TBRG1: variants seen among roughly 807,000 people sequenced by gnomAD.
The protein encoded by TBRG1 is transforming growth factor beta regulator 1.
In TBRG1, 31 loss-of-function variants were observed where a neutral mutation model predicts 44.0. The ratio of observed to expected loss-of-function variants is 0.70; its 90% confidence interval spans 0.53 to 0.95. TBRG1 has a LOEUF of 0.95. TBRG1 is among the 40% of genes least tolerant of loss of function. The pLI is 0.00. For synonymous variants in TBRG1, 171 were observed against 188.1 expected, an observed-to-expected ratio of 0.91 and a Z score of 0.74; for missense variants, 487 against 496.1, an observed-to-expected ratio of 0.98 and a Z score of 0.18.
At chr11:124,630,197 G>A (rs1942577667) in intron 5 of TBRG1, 191 bp from the exon 6 acceptor site, 1 of 545,532 alleles carries the variant, frequency 1.8e-6, no homozygotes, top group Non-Finnish European at 3.4e-6. Flanking sequence ...AACTGAAACA[G>A]TCAAAGGACT....
Position 124,633,903 on chromosome 11 carries a change from A to G in TBRG1, c.*1665A>G, listed in dbSNP as rs1942664098. ...AGAGCCTCATTTTAGAAAGACATTT[A>G]AAATTTTTGGAACATACCACATGTA... On this transcript the variant is annotated 3_prime_UTR_variant, in exon 9 of 9. Coordinates refer to ENST00000441174, the MANE Select transcript of TBRG1 (RefSeq NM_032811.3). 6.6e-6 allele frequency: 1 copy of G among 152,236 alleles called. No homozygotes were observed. The highest frequency in any genetic ancestry group is 2.1e-4 in the South Asian group (1 of 4,832). 9.4% of individuals were successfully genotyped at this position (152,236 alleles called of 1,614,324 possible). A position where few individuals can be genotyped will look rare whatever the true frequency, so the allele number is the denominator to read the frequency against.
Position 124,634,523 on chromosome 11 carries a change from A to G in TBRG1, c.*2285A>G, listed in dbSNP as rs1942679950. 1.3e-5 allele frequency: 2 copies of G among 152,168 alleles called. No individual in the cohort carries two copies. The highest frequency in any genetic ancestry group is 2.1e-4 in the South Asian group (1 of 4,826). 9.4% of individuals were successfully genotyped at this position (152,168 alleles called of 1,614,324 possible). A position where few individuals can be genotyped will look rare whatever the true frequency, so the allele number is the denominator to read the frequency against. The stretch of plus-strand genomic sequence containing the variant: ...ATCCTTTGGGAGGGTTAAGCTGTAG[A>G]TATCTAAATTTTAAATATATATTTA... On this transcript the variant is annotated 3_prime_UTR_variant, in exon 9 of 9. Coordinates refer to ENST00000441174, the MANE Select transcript of TBRG1 (RefSeq NM_032811.3).
chr11:124,631,037 T>A, intron 7 of TBRG1, 182 bp downstream of exon 7: 1 of 633,280 alleles, frequency 1.6e-6, no homozygotes, highest in Non-Finnish European at 2.7e-6. Flanking sequence ...GACTCCACTG[T>A]TCGCTGATTA....
Position 124,624,891 on chromosome 11 carries a change from T to TA in TBRG1, c.151-39dup, listed in dbSNP as rs1555091740. 12,105 of 1,333,388 alleles carry TA rather than the reference T, an allele frequency of 9.1e-3. 727 individuals are homozygous for TA. The African/African-American group carries it at 0.14, about 15-fold the overall frequency. 82.6% of individuals were successfully genotyped at this position (1,333,388 alleles called of 1,614,324 possible). On this transcript the variant is annotated intron_variant, in intron 1 of 8. Coordinates refer to ENST00000441174, the MANE Select transcript of TBRG1 (RefSeq NM_032811.3). ...TCCCAGCATAATAATGTGATTTTTT[T>TA]ATTCATTTTATGTTATTATATTCAC...
rs770430845 is a variant in TBRG1 at position 124,630,817 on chromosome 11, C to T, written c.909C>T (p.Asn303=). ...FFGFSHPAIH[N]LIQSCPGARK... ...GATTTTCTCATCCAGCCATCCACAA[C>T]CTGATCCAGAGCTGTCCAGGAGCTC... The change falls in exon 7 of 9, where the codon AAC becomes AAT. Residue 303 remains asparagine (N), a synonymous_variant. Transcript: ENST00000441174. 5.2e-5 allele frequency: 83 copies of T among 1,605,200 alleles called. No individual in the cohort carries two copies. The highest frequency in any genetic ancestry group is 6.8e-5 in the Non-Finnish European group (80 of 1,175,692).
At position 124,630,343 on chromosome 11, in the gene TBRG1, C is replaced by A. The variant is rs200806695; in HGVS notation, c.739-45C>A. 132 of 1,275,744 alleles carry A rather than the reference C, an allele frequency of 1.0e-4. 1 individual carries two copies. The African/African-American group carries it at 1.8e-3, about 17-fold the overall frequency. 79.0% of individuals were successfully genotyped at this position (1,275,744 alleles called of 1,614,324 possible). A position where few individuals can be genotyped will look rare whatever the true frequency, so the allele number is the denominator to read the frequency against. The stretch of plus-strand genomic sequence containing the variant: ...TTACAGAGTAGTATGCCCCTCTCTC[C>A]TTCCTTCTTGAGGATTGATCTCATT... On this transcript the variant is annotated intron_variant, in intron 5 of 8. Coordinates refer to ENST00000441174, the MANE Select transcript of TBRG1 (RefSeq NM_032811.3).
chr11:124,628,094 TATATATATATATATATATATATACACAC>T (rs1355433011), intron 5 of TBRG1, among the ~76,000 whole-genome samples: 109 of 85,000 alleles, frequency 1.3e-3, no homozygotes, highest in African/African-American at 5.9e-3. Flanking sequence ...TATATATATA[TATATATATATATATATATATATACACAC>T]ACACACACAC....
intron 8 of TBRG1, chr11:124,631,771 C>T (rs2134337934): frequency 2.3e-6 from 1 of 434,898 alleles, no homozygotes; most frequent in South Asian, 2.8e-5. Flanking sequence ...GGCCTTGGCC[C>T]TGCCTGTGTT....
chr11:124,630,116 A>G (rs772869465), intron 5 of TBRG1: 13 of 332,804 alleles, frequency 3.9e-5, no homozygotes, highest in Non-Finnish European at 7.0e-5. Flanking sequence ...AAGGATATAA[A>G]TAAGTGGATT....
rs986101190 is a variant in TBRG1 at position 124,623,244 on chromosome 11, C to T, written c.150+11C>T. ...AAGGCCACGGTGTTTGTGAGTCTGA[C>T]CCACGTTCAGCCGGTCCCCTCCTGG... On this transcript the variant is annotated intron_variant, in intron 1 of 8. Transcript: ENST00000441174. The T allele has an allele frequency of 9.0e-6, 14 of 1,551,264 alleles. No homozygotes were observed. The highest frequency in any genetic ancestry group is 7.8e-5 in the Admixed American group (4 of 50,994).
chr11:124,628,996 G>A (rs1292581084), intron 5 of TBRG1, among the ~76,000 whole-genome samples: 2 of 152,148 alleles, frequency 1.3e-5, no homozygotes, highest in African/African-American at 4.8e-5. Context: ...GCAATTAGAA[G>A]AATGAGGTAG....
At position 124,622,871 on chromosome 11, in the gene TBRG1, A is replaced by T. The variant is rs1942367439; in HGVS notation, c.-213A>T. 5.5e-6 allele frequency: 3 copies of T among 548,996 alleles called. No individual in the cohort carries two copies. 34.0% of individuals were successfully genotyped at this position (548,996 alleles called of 1,614,324 possible). Reference sequence around the variant, plus strand: ...AACTTCCGGGAAGGGCTTACTTCCAAGACAGACACGGAAGTGCTGGGAGGC... The same window carrying T: ...AACTTCCGGGAAGGGCTTACTTCCATGACAGACACGGAAGTGCTGGGAGGC... On this transcript the variant is annotated 5_prime_UTR_variant, in exon 1 of 9. The change creates a new upstream start codon in the 5' untranslated region. Coordinates refer to ENST00000441174, the MANE Select transcript of TBRG1 (RefSeq NM_032811.3).
chr11:124,624,551 TATTTA>T (rs1388230342), intron 1 of TBRG1, among the ~76,000 whole-genome samples: 1 of 152,200 alleles, frequency 6.6e-6, no homozygotes, highest in African/African-American at 2.4e-5. Context: ...ATATTTATAG[TATTTA>T]ATTTAAGCAT....
At chr11:124,624,475 C>G (rs774604416) in intron 1 of TBRG1, among the ~76,000 whole-genome samples, 3 of 151,374 alleles carry the variant, frequency 2.0e-5, no homozygotes, top group Non-Finnish European at 4.4e-5. Context: ...CAGTTTTTCT[C>G]TATTTGGGTT....
chr11:124,631,954 C>T (rs1942623452), intron 8 of TBRG1, 139 bp from the exon 9 acceptor site: 1 of 702,016 alleles, frequency 1.4e-6, no homozygotes, highest in Non-Finnish European at 2.5e-6. Flanking sequence ...AGTATCTGTC[C>T]TATCTTAACA....
chr11:124,635,670 G>A lies in TBRG1; in HGVS notation c.*3432G>A, dbSNP rs1288850783. 2.0e-5 allele frequency: 3 copies of A among 152,194 alleles called. No homozygotes were observed. Among genetic ancestry groups the A allele is most frequent in the Admixed American group, 6.5e-5 (1 of 15,284 alleles). The allele number at this position is 152,194 out of a possible 1,614,324, so 9.4% of individuals were successfully genotyped here. ...AATACATTGTATATGTACAGTGAGT[G>A]ATGCTTTTTGCTTTAGTTCTCATTT... is the stretch of plus-strand genomic sequence containing the variant. On this transcript the variant is annotated 3_prime_UTR_variant, in exon 9 of 9. Coordinates refer to ENST00000441174, the MANE Select transcript of TBRG1 (RefSeq NM_032811.3).
Position 124,624,931 on chromosome 11 carries a change from G to A in TBRG1, c.151G>A (p.Glu51Lys). 1.3e-6 allele frequency: 2 copies of A among 1,531,538 alleles called. No homozygotes were observed. Among genetic ancestry groups the A allele is most frequent in the Non-Finnish European group, 8.8e-7 (1 of 1,131,058 alleles). The allele number at this position is 1,531,538 out of a possible 1,614,324, so 94.9% of individuals were successfully genotyped here. The stretch of plus-strand genomic sequence containing the variant: ...ATTATATTCACATTTTTACTTAAAG[G>A]AAAATGCTGCTATTTGTGATGAAAT... ...LRKAAKATVFENAAICDEIAR... is the reference protein window; with the variant it reads ...LRKAAKATVFKNAAICDEIAR... The change falls in exon 2 of 9, where the codon GAA becomes AAA. Residue 51 changes from glutamate to lysine, a missense_variant and splice_region_variant. Glu to Lys is a moderately conservative substitution (Grantham distance 56, BLOSUM62 1). Coordinates refer to ENST00000441174, the MANE Select transcript of TBRG1 (RefSeq NM_032811.3).
rs142233613 is a variant in TBRG1 at position 124,631,285 on chromosome 11, G to T, written c.958G>T (p.Val320Leu). Reference sequence around the variant, plus strand: ...CCCTTGATTCTGCAGTTACCAGTGGGTGAAATTTGATGTGTGCAAACCTGG... The same window carrying T: ...CCCTTGATTCTGCAGTTACCAGTGGTTGAAATTTGATGTGTGCAAACCTGG... ...GARKCINYQW[V>L]KFDVCKPGDG... Residue 320 changes from valine to leucine, a missense_variant, in exon 8 of 9, where the codon GTG (valine) becomes TTG (leucine). Val to Leu is a conservative substitution (Grantham distance 32). Transcript: ENST00000441174. 2.4e-4 allele frequency: 379 copies of T among 1,581,580 alleles called. 2 individuals are homozygous for T. In the East Asian group the frequency reaches 8.2e-3, roughly 34 times the overall value.
At chr11:124,631,526 G>A in intron 8 of TBRG1, 109 bp downstream of exon 8, 2 of 1,212,068 alleles carry the variant, frequency 1.7e-6, no homozygotes, top group South Asian at 1.3e-5. Context: ...AGTGATAAAA[G>A]CTTTCATTGA....
Sources: allele counts gnomAD v4.1 joint callset (sites outside exome capture counted in the v4.1 genomes callset), GRCh38; gene constraint gnomAD v4.1.1; transcripts MANE v1.5; gene names NCBI Gene and HGNC (gene_info 2026-07-23, HGNC 2026-07-21).